The following SLIT3 variants were observed in gnomAD, a reference collection of about 807,000 sequenced individuals.
SLIT3 encodes the protein slit guidance ligand 3, also known as slit homolog 3 protein.
A neutral mutation model predicts 184.0 loss-of-function variants in SLIT3; 68 were observed. The ratio of observed to expected loss-of-function variants is 0.37; its 90% CI spans 0.30 to 0.45. The LOEUF (loss-of-function observed/expected upper bound fraction) is 0.45, where lower values mean the gene tolerates loss of function less well. SLIT3 is among the 20% of genes least tolerant of loss of function. The pLI is 1.00. For synonymous variants in SLIT3, 831 were observed against 828.6 expected (o/e 1.00, Z -0.05); for missense variants, 1,707 against 2,026.0 (o/e 0.84, Z 3.02).
At chr5:169,179,174 G>A (rs1463351691) in intron 4 of SLIT3, among the ~76,000 whole-genome samples, 1 of 151,806 alleles carries the variant, frequency 6.6e-6, no homozygotes, top group East Asian at 1.9e-4. Flanking sequence ...ATTCACCAGA[G>A]GTCTTTCAAA....
In SLIT3 at chr5:168,772,842, G is replaced by A. The variant is rs147230433; in HGVS notation, c.1398C>T (p.Ser466=). 9 of 1,614,036 alleles carry A rather than the reference G, an allele frequency of 5.6e-6. No homozygotes were observed. The African/African-American group carries it at 1.2e-4, about 22-fold the overall frequency. Residue 466 remains serine, a synonymous_variant, in exon 14 of 36, where the codon AGC becomes AGT. Coordinates refer to ENST00000519560, the MANE Select transcript of SLIT3 (RefSeq NM_003062.4). ...PIETSGARCS[S]PRRLANKRIS... is the part of the protein sequence containing the mutation. ...TGCGCTTGTTGGCGAGTCGGCGCGG[G>A]CTGCTGCAGCGGGCCCCGCTTGTCT...
chr5:169,206,124 A>T (rs541461578), intron 3 of SLIT3, among the ~76,000 whole-genome samples: 3 of 152,236 alleles, frequency 2.0e-5, no homozygotes, highest in Non-Finnish European at 4.4e-5. Flanking sequence ...TAAATATGGC[A>T]GGGCTATGTT....
chr5:169,020,989 C>T (rs1756576542), intron 4 of SLIT3, among the ~76,000 whole-genome samples: 4 of 152,136 alleles, frequency 2.6e-5, no homozygotes, highest in Admixed American at 2.6e-4. Context: ...CTATAGAAGA[C>T]TATGAAGTAG....
At position 168,692,686 on chromosome 5, in the gene SLIT3, C is replaced by T. The variant is rs774734291; in HGVS notation, c.3097G>A (p.Glu1033Lys). The T allele has an allele frequency of 1.5e-5, 24 of 1,613,706 alleles. No homozygotes were observed. Among genetic ancestry groups the T allele is most frequent in the South Asian group, 2.2e-5 (2 of 91,042 alleles). Residue 1033 changes from glutamate to lysine, a missense_variant, in exon 29 of 36, where the codon GAG becomes AAG. Glu to Lys is a moderately conservative substitution (Grantham distance 56). Around this residue, in one of 3 missense-constraint regions of SLIT3, gnomAD observed 1,307 missense variants for 1,511.6 expected, o/e 0.86. Transcript: ENST00000519560. ...TCAGGCACACAGTGGTCAATCACCT[C>T]GTCGCATAGCTCACCTGGCACAGAT... is the stretch of plus-strand genomic sequence containing the variant. ...PPNYTGELCD[E>K]VIDHCVPELN...
intron 4 of SLIT3, among the ~76,000 whole-genome samples, chr5:169,089,146 C>T (rs577016575): frequency 1.3e-4 from 19 of 150,558 alleles, no homozygotes; most frequent in African/African-American, 3.9e-4. Flanking sequence ...AGCCCTGTAC[C>T]GCTATCTGCA....
At chr5:169,189,012 AT>A (rs1489982782) in intron 4 of SLIT3, among the ~76,000 whole-genome samples, 3 of 152,118 alleles carry the variant, frequency 2.0e-5, no homozygotes, top group Admixed American at 6.5e-5. Context: ...CAGGGGACAA[AT>A]ATTTATTGAG....
At chr5:168,789,188 G>A (rs1475873827) in intron 11 of SLIT3, among the ~76,000 whole-genome samples, 1 of 148,674 alleles carries the variant, frequency 6.7e-6, no homozygotes, top group Non-Finnish European at 1.5e-5. Flanking sequence ...GCAAGGCCAA[G>A]CGGTAATAAA....
intron 4 of SLIT3, among the ~76,000 whole-genome samples, chr5:168,965,444 T>C (rs1160562233): frequency 2.6e-5 from 4 of 152,188 alleles, no homozygotes; most frequent in Non-Finnish European, 4.4e-5. Context: ...AAATATGAAC[T>C]TGAGAAAGTT....
At chr5:168,994,321 C>T (rs1248376945) in intron 4 of SLIT3, 1 of 152,192 alleles carries the variant, frequency 6.6e-6, no homozygotes, top group Non-Finnish European at 1.5e-5. Flanking sequence ...GAATCAAAGG[C>T]ATCCTCTGGA....
At chr5:169,192,154 G>A (rs1763574424) in intron 4 of SLIT3, among the ~76,000 whole-genome samples, 3 of 152,140 alleles carry the variant, frequency 2.0e-5, no homozygotes, top group Non-Finnish European at 4.4e-5. Flanking sequence ...CCGGGCTGCT[G>A]AACAGCATTT....
intron 1 of SLIT3, among the ~76,000 whole-genome samples, chr5:169,275,993 G>A (rs1174902874): frequency 1.3e-5 from 2 of 152,144 alleles, no homozygotes; most frequent in Non-Finnish European, 2.9e-5. Flanking sequence ...GTGCATGTCT[G>A]TGTGTATGTC....
At chr5:168,687,464 G>T (rs929836483) in intron 29 of SLIT3, among the ~76,000 whole-genome samples, 11 of 152,180 alleles carry the variant, frequency 7.2e-5, no homozygotes, top group Admixed American at 2.6e-4. Flanking sequence ...AGTTCTCACT[G>T]AGGCCTCTCA....
intron 4 of SLIT3, among the ~76,000 whole-genome samples, chr5:169,192,442 T>A (rs1023152179): frequency 1.3e-5 from 2 of 152,072 alleles, no homozygotes; most frequent in African/African-American, 4.8e-5. Flanking sequence ...TGTGTGTGTG[T>A]GTGTGTGTGT....
At chr5:169,249,727 C>G (rs902299941) in intron 2 of SLIT3, among the ~76,000 whole-genome samples, 1 of 152,230 alleles carries the variant, frequency 6.6e-6, no homozygotes, top group Non-Finnish European at 1.5e-5. Flanking sequence ...GGAATTCCCC[C>G]ACCCTGATCT....
chr5:169,297,295 G>A (rs1185366851), intron 1 of SLIT3, among the ~76,000 whole-genome samples: 1 of 152,156 alleles, frequency 6.6e-6, no homozygotes, highest in African/African-American at 2.4e-5. Flanking sequence ...TGACATTATA[G>A]GGAAGATCTT....
intron 4 of SLIT3, among the ~76,000 whole-genome samples, chr5:168,956,170 T>C (rs1762817287): frequency 6.6e-6 from 1 of 152,204 alleles, no homozygotes; most frequent in Non-Finnish European, 1.5e-5. Flanking sequence ...TCCCACCTTA[T>C]CTTGAAGGTA....
chr5:168,983,956 G>A (rs1250116011), intron 4 of SLIT3, among the ~76,000 whole-genome samples: 2 of 152,098 alleles, frequency 1.3e-5, no homozygotes, highest in Admixed American at 1.3e-4. Flanking sequence ...AGGCTGAGGT[G>A]GGAGGACTGC....
intron 4 of SLIT3, among the ~76,000 whole-genome samples, chr5:168,965,391 C>G (rs763938652): frequency 6.6e-6 from 1 of 152,162 alleles, no homozygotes; most frequent in South Asian, 2.1e-4. Flanking sequence ...AGCTAAGGAG[C>G]AAACGTTCAG....
chr5:169,022,356 CT>C (rs1756632969), intron 4 of SLIT3: 1 of 152,222 alleles, frequency 6.6e-6, no homozygotes, highest in Non-Finnish European at 1.5e-5. Flanking sequence ...TGCCCACTAC[CT>C]CCTCCCTTAG....
Sources: allele counts gnomAD v4.1 joint callset (sites outside exome capture counted in the v4.1 genomes callset), GRCh38; gene constraint gnomAD v4.1.1; regional missense constraint gnomAD v4.1.1; transcripts MANE v1.5; gene names NCBI Gene and HGNC (gene_info 2026-07-23, HGNC 2026-07-21).